The following HPSE2 variants were observed in gnomAD, a reference collection of about 807,000 sequenced individuals.
The protein encoded by HPSE2 is inactive heparanase-2.
A neutral mutation model predicts 60.5 loss-of-function variants in HPSE2; 38 were observed. The ratio of observed to expected loss-of-function variants is 0.63; its 90% CI spans 0.48 to 0.82. HPSE2 has a LOEUF of 0.82. Among genes scored for constraint, HPSE2 ranks in the 40% least tolerant of loss-of-function variants. The probability of loss-of-function intolerance (pLI) is 0.00; values close to 1 mark genes in which losing one functional copy is unlikely to be tolerated. For synonymous variants in HPSE2, 295 were observed against 293.2 expected, an observed-to-expected ratio of 1.01 and a Z score of -0.06; for missense variants, 713 against 740.4, an observed-to-expected ratio of 0.96 and a Z score of 0.43.
intron 2 of HPSE2, among the ~76,000 whole-genome samples, chr10:99,178,923 G>A (rs998429943): frequency 1.3e-5 from 2 of 152,122 alleles, no homozygotes; most frequent in Non-Finnish European, 2.9e-5. Flanking sequence ...TATCCACCAC[G>A]ATCAAGTTGG....
At chr10:98,918,685 G>T (rs866830592) in intron 3 of HPSE2, among the ~76,000 whole-genome samples, 32 of 114,524 alleles carry the variant, frequency 2.8e-4, no homozygotes, top group Non-Finnish European at 4.8e-4. Context: ...CTTGTGGGGT[G>T]GGGGGAGGGG....
intron 2 of HPSE2, among the ~76,000 whole-genome samples, chr10:99,176,215 C>G (rs1414776117): frequency 1.3e-5 from 2 of 152,090 alleles, no homozygotes; most frequent in Non-Finnish European, 2.9e-5. Flanking sequence ...GGCTCTTGCC[C>G]TCCAAAGCAT....
chr10:98,634,806 C>T (rs1277004910), intron 7 of HPSE2, among the ~76,000 whole-genome samples: 1 of 152,126 alleles, frequency 6.6e-6, no homozygotes, highest in African/African-American at 2.4e-5. Flanking sequence ...ATATGACGAA[C>T]CATACAAACC....
intron 9 of HPSE2, among the ~76,000 whole-genome samples, chr10:98,508,630 G>A (rs1015260861): frequency 6.6e-6 from 1 of 152,184 alleles, no homozygotes; most frequent in African/African-American, 2.4e-5. Context: ...GACTCTATGA[G>A]AGCAGACATT....
chr10:98,641,336 C>G (rs2134035033), intron 7 of HPSE2, among the ~76,000 whole-genome samples: 1 of 152,206 alleles, frequency 6.6e-6, no homozygotes. Context: ...CCGGTAATCC[C>G]AGCATTTTGA....
At chr10:99,063,097 C>T (rs1310087182) in intron 3 of HPSE2, among the ~76,000 whole-genome samples, 4 of 152,096 alleles carry the variant, frequency 2.6e-5, no homozygotes, top group Non-Finnish European at 5.9e-5. Flanking sequence ...AGTTCATCTA[C>T]ATGATGATGA....
intron 2 of HPSE2, among the ~76,000 whole-genome samples, chr10:99,171,761 G>A (rs921182075): frequency 6.6e-6 from 1 of 152,062 alleles, no homozygotes; most frequent in South Asian, 2.1e-4. Context: ...TGAAGAAGCA[G>A]ATAAGTATTT....
intron 3 of HPSE2, among the ~76,000 whole-genome samples, chr10:98,887,077 T>C (rs1325138899): frequency 6.6e-6 from 1 of 152,144 alleles, no homozygotes; most frequent in Non-Finnish European, 1.5e-5. Context: ...AAAGTTGAAA[T>C]GATTAATATA....
chr10:98,855,249 C>T (rs1212035581), intron 3 of HPSE2, among the ~76,000 whole-genome samples: 1 of 152,158 alleles, frequency 6.6e-6, no homozygotes, highest in African/African-American at 2.4e-5. Flanking sequence ...GAGTCTCACA[C>T]ACAAAAGAGT....
chr10:98,720,206 T>A (rs749107061), intron 5 of HPSE2, among the ~76,000 whole-genome samples: 1 of 151,842 alleles, frequency 6.6e-6, no homozygotes, highest in Admixed American at 6.6e-5. Context: ...ACGAATTGAG[T>A]GTGTGAACAA....
At chr10:99,173,612 T>C (rs1191979000) in intron 2 of HPSE2, among the ~76,000 whole-genome samples, 1 of 152,138 alleles carries the variant, frequency 6.6e-6, no homozygotes. Context: ...CTGTAAAACT[T>C]ATAACTCTGA....
intron 3 of HPSE2, among the ~76,000 whole-genome samples, chr10:98,902,197 A>G (rs1468805218): frequency 6.6e-6 from 1 of 152,204 alleles, no homozygotes; most frequent in African/African-American, 2.4e-5. Context: ...AGAATAAAGT[A>G]TCAGATGAAG....
intron 7 of HPSE2, among the ~76,000 whole-genome samples, chr10:98,625,957 T>A (rs1012359746): frequency 6.6e-6 from 1 of 151,804 alleles, no homozygotes; most frequent in African/African-American, 2.4e-5. Context: ...AAAAACAAAA[T>A]TAGCTGGGTG....
intron 3 of HPSE2, among the ~76,000 whole-genome samples, chr10:98,839,584 T>C (rs1951864843): frequency 1.3e-5 from 2 of 152,196 alleles, no homozygotes; most frequent in African/African-American, 4.8e-5. Flanking sequence ...GAATAAAAGG[T>C]ACACAGGTCA....
At chr10:98,848,918 A>G (rs1220283142) in intron 3 of HPSE2, among the ~76,000 whole-genome samples, 1 of 151,948 alleles carries the variant, frequency 6.6e-6, no homozygotes, top group Non-Finnish European at 1.5e-5. Context: ...CTCATAAGAC[A>G]TTGTTGAGGG....
intron 3 of HPSE2, among the ~76,000 whole-genome samples, chr10:99,056,701 A>G (rs926230141): frequency 2.0e-4 from 30 of 152,206 alleles, no homozygotes; most frequent in Non-Finnish European, 5.9e-5. Flanking sequence ...AAAACAAAGG[A>G]GAAAAAATTT....
intron 3 of HPSE2, among the ~76,000 whole-genome samples, chr10:99,082,186 C>T (rs1196768670): frequency 2.0e-5 from 3 of 152,002 alleles, no homozygotes; most frequent in African/African-American, 4.8e-5. Flanking sequence ...ATGTGGTCAC[C>T]GCGTCAATGA....
At chr10:98,822,963 G>A (rs903556704) in intron 3 of HPSE2, among the ~76,000 whole-genome samples, 2 of 152,206 alleles carry the variant, frequency 1.3e-5, no homozygotes, top group Non-Finnish European at 2.9e-5. Flanking sequence ...AATTATCCAA[G>A]TGAGCCTGAT....
At chr10:98,892,740 C>G (rs1953371600) in intron 3 of HPSE2, among the ~76,000 whole-genome samples, 1 of 152,198 alleles carries the variant, frequency 6.6e-6, no homozygotes, top group African/African-American at 2.4e-5. Context: ...TCTCTCACTT[C>G]CCCTGAATGA....
Sources: allele counts gnomAD v4.1 joint callset (sites outside exome capture counted in the v4.1 genomes callset), GRCh38; gene constraint gnomAD v4.1.1; transcripts MANE v1.5; gene names NCBI Gene and HGNC (gene_info 2026-07-23, HGNC 2026-07-21).